Variants in CHRM2 observed in about 807,000 individuals in gnomAD.
CHRM2 encodes muscarinic acetylcholine receptor M2.
CHRM2 carries 8 observed loss-of-function variants against 25.0 expected under a neutral mutation model. The observed-to-expected ratio is 0.32, with a 90% CI of 0.19 to 0.58. The LOEUF (loss-of-function observed/expected upper bound fraction) is 0.58. CHRM2 is among the 20% of genes least tolerant of loss of function. CHRM2 has a pLI of 0.88. For missense variants in CHRM2, 440 were observed against 567.1 expected (o/e 0.78, Z 2.28); for synonymous variants, 202 against 205.7 (o/e 0.98, Z 0.15).
intron 2 of CHRM2, among the ~76,000 whole-genome samples, chr7:136,912,474 C>T (rs965824418): frequency 6.6e-6 from 1 of 151,758 alleles, no homozygotes; most frequent in African/African-American, 2.4e-5. Context: ...AAACTCAGAC[C>T]CTGTGCCCTC....
chr7:136,888,480 A>G lies in CHRM2; in HGVS notation c.-125+19062A>G, dbSNP rs151022763. On this transcript the variant is annotated intron_variant, in intron 2 of 3. Transcript: ENST00000680005. ...TAGCAGGTTTTCAGAAAGGAATTAC[A>G]TATGTGAATAGGAATAACATTTTTC... is the stretch of plus-strand genomic sequence containing the variant. Among the ~76,000 whole-genome samples, 44 of 152,282 alleles carry G rather than the reference A, an allele frequency of 2.9e-4. No homozygotes were observed. The East Asian group carries it at 8.1e-3, about 28-fold the overall frequency.
chr7:136,899,194 C>T (rs1797065581), intron 2 of CHRM2: 2 of 151,952 alleles, frequency 1.3e-5, no homozygotes, highest in South Asian at 2.1e-4. Context: ...ATAAAATGAA[C>T]ACTTTTATTT....
chr7:136,899,939 G>GA (rs967914732), intron 2 of CHRM2: 27 of 152,036 alleles, frequency 1.8e-4, no homozygotes, highest in Admixed American at 6.6e-4. Context: ...AATCCCTGGG[G>GA]AAAAATCAAT....
At chr7:136,962,057 G>A (rs1326746849) in intron 2 of CHRM2, among the ~76,000 whole-genome samples, 2 of 152,086 alleles carry the variant, frequency 1.3e-5, no homozygotes, top group Admixed American at 1.3e-4. Context: ...GAGGGCCTCA[G>A]ACAGACTATA....
intron 2 of CHRM2, among the ~76,000 whole-genome samples, chr7:136,966,142 G>C (rs1454845260): frequency 6.6e-6 from 1 of 150,936 alleles, no homozygotes; most frequent in African/African-American, 2.4e-5. Flanking sequence ...GAAGAGTCTT[G>C]GTGATTTCAA....
At chr7:136,881,228 G>T (rs913598939) in intron 2 of CHRM2, among the ~76,000 whole-genome samples, 1 of 150,860 alleles carries the variant, frequency 6.6e-6, no homozygotes, top group Non-Finnish European at 1.5e-5. Context: ...CATACAGTAT[G>T]TAGTTTTTTA....
intron 3 of CHRM2, among the ~76,000 whole-genome samples, chr7:137,010,961 T>G (rs970957967): frequency 1.3e-5 from 2 of 151,958 alleles, no homozygotes; most frequent in African/African-American, 4.8e-5. Context: ...GTTTTAGTTG[T>G]AGATTATTTA....
At chr7:136,949,447 T>C (rs1229204104) in intron 2 of CHRM2, among the ~76,000 whole-genome samples, 1 of 125,296 alleles carries the variant, frequency 8.0e-6, no homozygotes, top group African/African-American at 3.6e-5. Flanking sequence ...CAAGACCCTG[T>C]CTCTGCAAAA....
chr7:136,895,221 A>T (rs1391313850), intron 2 of CHRM2, among the ~76,000 whole-genome samples: 2 of 152,198 alleles, frequency 1.3e-5, no homozygotes, highest in Non-Finnish European at 2.9e-5. Flanking sequence ...GCTTCAGATA[A>T]GTCTCATTTC....
At chr7:136,910,557 A>G (rs1019917954) in intron 2 of CHRM2, among the ~76,000 whole-genome samples, 4 of 151,948 alleles carry the variant, frequency 2.6e-5, no homozygotes, top group African/African-American at 7.2e-5. Context: ...CACAGAATAA[A>G]GTTTTCCATA....
intron 2 of CHRM2, among the ~76,000 whole-genome samples, chr7:136,910,758 G>C (rs575516205): frequency 1.3e-5 from 2 of 151,330 alleles, no homozygotes; most frequent in Non-Finnish European, 3.0e-5. Context: ...TCTAACTCCT[G>C]ACTGTATCAT....
intron 2 of CHRM2, among the ~76,000 whole-genome samples, chr7:136,991,958 T>C (rs1803263176): frequency 6.6e-6 from 1 of 152,168 alleles, no homozygotes. Context: ...GATTCTATTC[T>C]CAGGCCTAAG....
At chr7:136,950,246 C>A (rs1800325676) in intron 2 of CHRM2, among the ~76,000 whole-genome samples, 1 of 152,044 alleles carries the variant, frequency 6.6e-6, no homozygotes. Context: ...GAGTTTGCAT[C>A]AAGAAGACGA....
chr7:136,948,120 C>G (rs1279208731), intron 2 of CHRM2, among the ~76,000 whole-genome samples: 1 of 152,070 alleles, frequency 6.6e-6, no homozygotes, highest in Non-Finnish European at 1.5e-5. Flanking sequence ...GTTCACAGGA[C>G]AGATTCTATA....
intron 2 of CHRM2, among the ~76,000 whole-genome samples, chr7:136,936,817 T>G (rs1202526515): frequency 1.3e-5 from 2 of 152,190 alleles, no homozygotes; most frequent in Non-Finnish European, 1.5e-5. Context: ...AATTTTCTTC[T>G]ATATTACCCT....
intron 2 of CHRM2, among the ~76,000 whole-genome samples, chr7:136,900,961 C>T (rs779812888): frequency 7.2e-5 from 11 of 151,930 alleles, no homozygotes; most frequent in Non-Finnish European, 1.6e-4. Flanking sequence ...TTTTGAGCTC[C>T]AATCAAGGCA....
chr7:136,978,893 T>C (rs575127800), intron 2 of CHRM2, among the ~76,000 whole-genome samples: 1 of 152,312 alleles, frequency 6.6e-6, no homozygotes, highest in Non-Finnish European at 1.5e-5. Flanking sequence ...CTATTGTGAA[T>C]AGTGCTACAA....
chr7:136,878,082 C>G (rs923002949), intron 2 of CHRM2, among the ~76,000 whole-genome samples: 4 of 151,974 alleles, frequency 2.6e-5, no homozygotes, highest in African/African-American at 9.7e-5. Flanking sequence ...CTCTGCCTTC[C>G]TTGGCACTGT....
chr7:136,893,361 G>T (rs1427631463), intron 2 of CHRM2, among the ~76,000 whole-genome samples: 1 of 152,126 alleles, frequency 6.6e-6, no homozygotes, highest in Non-Finnish European at 1.5e-5. Flanking sequence ...GGAAAGACTC[G>T]CTAGAACAGT....
Sources: gnomAD v4.1 joint callset for allele counts (sites outside exome capture counted in the v4.1 genomes callset) on GRCh38, gnomAD v4.1.1 for gene constraint, MANE v1.5 for transcripts, NCBI Gene and HGNC (gene_info 2026-07-23, HGNC 2026-07-21) for gene names.